The following PCDHAC1 variants were observed in gnomAD, a reference collection of about 807,000 sequenced individuals.
PCDHAC1 encodes the protein protocadherin alpha subfamily C, 1.
Under a neutral mutation model 60.0 loss-of-function variants are expected in PCDHAC1, and 42 were observed. The observed-to-expected ratio is 0.70, with a 90% confidence interval of 0.55 to 0.90. PCDHAC1 has a LOEUF of 0.90. Ranked by LOEUF, PCDHAC1 falls within the 40% of genes least tolerant of loss-of-function variation. The pLI is 0.00. For synonymous variants in PCDHAC1, 468 were observed against 499.3 expected (o/e 0.94, Z 0.84); for missense variants, 1,160 against 1,222.3 (o/e 0.95, Z 0.76).
chr5:140,940,208 A>C (rs1193106137), intron 1 of PCDHAC1, among the ~76,000 whole-genome samples: 1 of 152,164 alleles, frequency 6.6e-6, no homozygotes, highest in Non-Finnish European at 1.5e-5. Context: ...AAAATTCAAG[A>C]TTGGCATTTA....
Position 140,928,585 on chromosome 5 carries a change from G to T in PCDHAC1, c.1693G>T (p.Val565Phe). Reference sequence around the variant, plus strand: ...GTTTCCCTTGCCCAGAAATGGTTCTGTCCCAGTGGAAATTGTGCCCCGCTC... The same window carrying T: ...GTTTCCCTTGCCCAGAAATGGTTCTTTCCCAGTGGAAATTGTGCCCCGCTC... Reference protein sequence around the residue: ...ILFPLPRNGSVPVEIVPRSAR... With the variant: ...ILFPLPRNGSFPVEIVPRSAR... The change falls in exon 1 of 4, where the codon GTC (valine) becomes TTC (phenylalanine). Residue 565 changes from valine (V) to phenylalanine (F), a missense_variant. Val to Phe is a conservative substitution (Grantham distance 50). Transcript: ENST00000253807. 1 of 1,614,194 alleles carries T rather than the reference G, an allele frequency of 6.2e-7. No homozygotes were observed. Among genetic ancestry groups the T allele is most frequent in the Non-Finnish European group, 8.5e-7 (1 of 1,180,042 alleles).
chr5:140,967,084 T>G (rs782593106), intron 1 of PCDHAC1: 1 of 1,613,270 alleles, frequency 6.2e-7, no homozygotes, highest in Admixed American at 1.7e-5. Context: ...AGCGCATTGA[T>G]CGGGAGGCGC....
chr5:140,954,824 C>A (rs1167171102), intron 1 of PCDHAC1, among the ~76,000 whole-genome samples: 1 of 152,068 alleles, frequency 6.6e-6, no homozygotes, highest in Admixed American at 6.6e-5. Flanking sequence ...GCTTTAGGCA[C>A]TTTTGTCATG....
intron 1 of PCDHAC1, among the ~76,000 whole-genome samples, chr5:140,941,595 A>G (rs1273931279): frequency 6.6e-6 from 1 of 152,016 alleles, no homozygotes; most frequent in Non-Finnish European, 1.5e-5. Context: ...GATTACAGCC[A>G]TGAGCCATGG....
At chr5:140,956,038 A>T in intron 1 of PCDHAC1, among the ~76,000 whole-genome samples, 1 of 152,182 alleles carries the variant, frequency 6.6e-6, no homozygotes, top group South Asian at 2.1e-4. Flanking sequence ...CAGCTTAAGA[A>T]GCTTTTGGGC....
At chr5:140,983,517 G>A (rs1475712929) in intron 3 of PCDHAC1, among the ~76,000 whole-genome samples, 2 of 152,196 alleles carry the variant, frequency 1.3e-5, no homozygotes, top group African/African-American at 4.8e-5. Flanking sequence ...TAGACACTGT[G>A]CCAAGTACAT....
At position 141,012,023 on chromosome 5, in the gene PCDHAC1, C is replaced by T. The variant is rs1174206729; in HGVS notation, c.*2086C>T. On this transcript the variant is annotated 3_prime_UTR_variant, in exon 4 of 4. Coordinates refer to ENST00000253807, the MANE Select transcript of PCDHAC1 (RefSeq NM_018898.5). ...TATTTTGAAGGGTGTGTAACTTCAGCTCTGCAGGATTGCATGGGGTAAAAC... is the reference window on the plus strand; with the variant it reads ...TATTTTGAAGGGTGTGTAACTTCAGTTCTGCAGGATTGCATGGGGTAAAAC... The T allele has an allele frequency of 6.5e-6, 1 of 153,700 alleles. No individual in the cohort carries two copies. The highest frequency in any genetic ancestry group is 1.5e-5 in the Non-Finnish European group (1 of 68,026). The allele number at this position is 153,700 out of a possible 1,614,324, so 9.5% of individuals were successfully genotyped here.
At chr5:140,948,527 A>G (rs902965857) in intron 1 of PCDHAC1, among the ~76,000 whole-genome samples, 7 of 151,560 alleles carry the variant, frequency 4.6e-5, no homozygotes, top group Non-Finnish European at 8.9e-5. Context: ...CACTATTTAT[A>G]TTTTATTTCA....
intron 1 of PCDHAC1, among the ~76,000 whole-genome samples, chr5:140,962,075 C>T (rs999623991): frequency 6.6e-6 from 1 of 151,836 alleles, no homozygotes; most frequent in South Asian, 2.1e-4. Context: ...TTAGTAGAGA[C>T]GGGGTTTCAC....
At chr5:140,968,321 A>ACCTCCTATGT in intron 1 of PCDHAC1, 1 of 1,613,834 alleles carries the variant, frequency 6.2e-7, no homozygotes, top group Non-Finnish European at 8.5e-7. Flanking sequence ...GCTGCCAGTC[A>ACCTCCTATGT]CCTCCTATGT....
In PCDHAC1 at chr5:140,971,961, T is replaced by C. The variant is rs1412814726; in HGVS notation, c.2434-6988T>C. ...TGTATCCATCTGACTCCAAAAACTT[T>C]TTTTCAATACTATGAGTAGACAGAA... On this transcript the variant is annotated intron_variant, in intron 1 of 3. Transcript: ENST00000253807. 2.0e-5 allele frequency among the ~76,000 whole-genome samples: 3 copies of C among 152,144 alleles called. No homozygotes were observed. The East Asian group carries it at 5.8e-4, about 29-fold the overall frequency.
chr5:140,966,674 G>T, intron 1 of PCDHAC1: 1 of 1,295,168 alleles, frequency 7.7e-7, no homozygotes, highest in Admixed American at 3.8e-5. Flanking sequence ...GGCGCAGGGT[G>T]GCACGAGCGG....
chr5:141,002,614 T>C (rs2098088159), intron 3 of PCDHAC1, among the ~76,000 whole-genome samples: 1 of 152,130 alleles, frequency 6.6e-6, no homozygotes, highest in Non-Finnish European at 1.5e-5. Context: ...AACAGACACA[T>C]AACACAGACA....
At chr5:140,998,136 C>T (rs2153950850) in intron 3 of PCDHAC1, among the ~76,000 whole-genome samples, 1 of 152,308 alleles carries the variant, frequency 6.6e-6, no homozygotes, top group South Asian at 2.1e-4. Context: ...TAATAGCTAA[C>T]CTGTACTGAA....
intron 1 of PCDHAC1, chr5:140,929,538 A>C: frequency 3.3e-6 from 2 of 603,382 alleles, no homozygotes; most frequent in Non-Finnish European, 5.1e-6. Context: ...TTGAGAAACA[A>C]GGGCAAAAAT....
intron 1 of PCDHAC1, among the ~76,000 whole-genome samples, chr5:140,943,827 A>T (rs1474835023): frequency 2.0e-5 from 3 of 152,208 alleles, no homozygotes; most frequent in Non-Finnish European, 4.4e-5. Flanking sequence ...AAATGAGTTG[A>T]TTGAAGTTGT....
chr5:140,935,045 G>T (rs1382389528), intron 1 of PCDHAC1, among the ~76,000 whole-genome samples: 1 of 151,952 alleles, frequency 6.6e-6, no homozygotes, highest in Non-Finnish European at 1.5e-5. Flanking sequence ...TTGATTTCTG[G>T]TATTACAAGA....
In PCDHAC1 at chr5:141,011,628, A is replaced by G. The variant is rs568783669; in HGVS notation, c.*1691A>G. On this transcript the variant is annotated 3_prime_UTR_variant, in exon 4 of 4. Coordinates refer to ENST00000253807, the MANE Select transcript of PCDHAC1 (RefSeq NM_018898.5). ...TTTATTTATGGTCCAGCCAAGAGCC[A>G]TCTCGTGCCAAGACTTCTGCTGGCA... is the stretch of plus-strand genomic sequence containing the variant. The G allele has an allele frequency of 6.5e-6, 1 of 153,882 alleles. No homozygotes were observed. Among genetic ancestry groups the G allele is most frequent in the East Asian group, 1.9e-4 (1 of 5,186 alleles). 9.5% of individuals were successfully genotyped at this position (153,882 alleles called of 1,614,324 possible).
intron 1 of PCDHAC1, among the ~76,000 whole-genome samples, chr5:140,959,265 T>C (rs1341807372): frequency 1.3e-5 from 2 of 152,076 alleles, no homozygotes; most frequent in African/African-American, 2.4e-5. Context: ...TAGTCCCAGC[T>C]ACCCAGGAGC....
Sources: allele counts gnomAD v4.1 joint callset (sites outside exome capture counted in the v4.1 genomes callset), GRCh38; gene constraint gnomAD v4.1.1; transcripts MANE v1.5; gene names NCBI Gene and HGNC (gene_info 2026-07-23, HGNC 2026-07-21).